SIM2: variants seen among roughly 807,000 people sequenced by gnomAD.
SIM2 encodes SIM bHLH transcription factor 2.
Under a neutral mutation model 64.8 loss-of-function variants are expected in SIM2, and 28 were observed. The observed-to-expected ratio is 0.43, with a 90% CI of 0.32 to 0.59. SIM2 has a LOEUF of 0.59. Among genes scored for constraint, SIM2 ranks in the 20% least tolerant of loss-of-function variants. SIM2 has a pLI of 0.07. For synonymous variants in SIM2, 408 were observed against 391.1 expected (o/e 1.04, Z -0.51); for missense variants, 847 against 871.4 (o/e 0.97, Z 0.35).
chr21:36,709,465 C>G (rs758540637), intron 2 of SIM2: 22 of 684,192 alleles, frequency 3.2e-5, no homozygotes, highest in South Asian at 3.2e-4. Context: ...CGTCTGCCCC[C>G]ACACCCCGCC....
chr21:36,721,320 C>G (rs1170657962), intron 4 of SIM2, among the ~76,000 whole-genome samples: 1 of 152,192 alleles, frequency 6.6e-6, no homozygotes, highest in Non-Finnish European at 1.5e-5. Flanking sequence ...GAACATCGCA[C>G]CTGAATCGAA....
At chr21:36,735,904 C>T (rs190859746) in intron 7 of SIM2, among the ~76,000 whole-genome samples, 1 of 152,308 alleles carries the variant, frequency 6.6e-6, no homozygotes, top group Admixed American at 6.5e-5. Context: ...TGGTGGCTGA[C>T]AGCCCGGCTC....
At chr21:36,708,651 C>T (rs557839629) in intron 1 of SIM2, among the ~76,000 whole-genome samples, 1 of 152,126 alleles carries the variant, frequency 6.6e-6, no homozygotes, top group Admixed American at 6.5e-5. Context: ...GTTTTTTATG[C>T]GGGAGGAGCT....
chr21:36,741,917 C>T, intron 8 of SIM2, 53 bp downstream of exon 8: 1 of 1,468,304 alleles, frequency 6.8e-7, no homozygotes, highest in Non-Finnish European at 9.1e-7. Flanking sequence ...CCCTGTCCCA[C>T]ATCGGATGGC....
Position 36,747,747 on chromosome 21 carries a change from CG to C in SIM2, c.1660del (p.Ala554ArgfsTer152). The C allele has an allele frequency of 8.3e-7, 1 of 1,202,838 alleles. No individual in the cohort carries two copies. The highest frequency in any genetic ancestry group is 1.0e-6 in the Non-Finnish European group (1 of 969,778). The allele number at this position is 1,202,838 out of a possible 1,614,324, so 74.5% of individuals were successfully genotyped here. On this transcript the variant is annotated frameshift_variant, in exon 11 of 11. Transcript: ENST00000290399. LOFTEE classifies it low-confidence loss of function (END_TRUNC). The surrounding 1 kb of genome is among the most constrained non-coding windows in gnomAD (Gnocchi z 4.5). ...PSCGHYREEPALGPAKAARQA... is the reference protein window; with the variant it reads ...PSCGHYREEPXLGPAKAARQA... Reference sequence around the variant, plus strand: ...GCTGCGGCCACTACCGCGAGGAGCCCGCGCTGGGCCCGGCCAAAGCCGCCCG... The same window carrying C: ...GCTGCGGCCACTACCGCGAGGAGCCCCGCTGGGCCCGGCCAAAGCCGCCCG...
chr21:36,709,310 AC>A, intron 2 of SIM2, 60 bp downstream of exon 2: 2 of 1,371,988 alleles, frequency 1.5e-6, no homozygotes, highest in Non-Finnish European at 1.0e-6. Context: ...CCACCCCGCC[AC>A]CCCAGCCTCC....
chr21:36,731,114 C>G lies in SIM2; in HGVS notation c.813C>G (p.Gly271=), dbSNP rs1437307470. Residue 271 remains glycine (G), a synonymous_variant, in exon 7 of 11, where the codon GGC becomes GGG. Transcript: ENST00000290399. The part of the protein sequence containing the change: ...IEKTLYHHVH[G]CDVFHLRYAH... ...AGACCCTATACCATCACGTGCACGG[C>G]TGCGACGTGTTCCACCTCCGCTACG... The G allele has an allele frequency of 6.2e-7, 1 of 1,614,056 alleles. No homozygotes were observed. The highest frequency in any genetic ancestry group is 8.5e-7 in the Non-Finnish European group (1 of 1,180,028).
At chr21:36,740,009 GAGAAA>G (rs1226690301) in intron 7 of SIM2, among the ~76,000 whole-genome samples, 2 of 131,234 alleles carry the variant, frequency 1.5e-5, no homozygotes, top group African/African-American at 6.1e-5. Context: ...GAAAGAAAGA[GAGAAA>G]GAAAGAAAGA....
At chr21:36,713,038 T>G (rs1422816467) in intron 3 of SIM2, among the ~76,000 whole-genome samples, 1 of 152,226 alleles carries the variant, frequency 6.6e-6, no homozygotes, top group Non-Finnish European at 1.5e-5. Flanking sequence ...GAACATGGAT[T>G]TTATGCAGAA....
rs763053811 is a variant in SIM2, at chr21:36,731,065, A to G, written c.764A>G (p.Tyr255Cys). The G allele has an allele frequency of 2.5e-6, 4 of 1,614,062 alleles. No individual in the cohort carries two copies. In the South Asian group the frequency reaches 4.4e-5, roughly 18 times the overall value. Residue 255 changes from tyrosine (Y) to cysteine (C), a missense_variant, in exon 7 of 11, where the codon TAC (tyrosine) becomes TGC (cysteine). Physicochemically the swap from Tyr to Cys is radical, Grantham distance 194. Coordinates refer to ENST00000290399, the MANE Select transcript of SIM2 (RefSeq NM_005069.6). ...LDSRVTEVTG[Y>C]EPQDLIEKTL... ...CACAGGGTGACCGAGGTGACGGGGTACGAGCCGCAGGACCTGATCGAGAAG... is the reference window on the plus strand; with the variant it reads ...CACAGGGTGACCGAGGTGACGGGGTGCGAGCCGCAGGACCTGATCGAGAAG...
chr21:36,704,677 G>A (rs1568923228), intron 1 of SIM2, among the ~76,000 whole-genome samples: 1 of 152,210 alleles, frequency 6.6e-6, no homozygotes, highest in African/African-American at 2.4e-5. Context: ...CTGGGGCGGC[G>A]TCCGAACTCC....
chr21:36,724,164 A>G (rs1388987919), intron 5 of SIM2, among the ~76,000 whole-genome samples: 1 of 152,126 alleles, frequency 6.6e-6, no homozygotes, highest in African/African-American at 2.4e-5. Flanking sequence ...CCTTTGACCT[A>G]TATCTCACTG....
intron 7 of SIM2, among the ~76,000 whole-genome samples, chr21:36,739,834 G>A (rs1012110042): frequency 1.3e-5 from 2 of 152,104 alleles, no homozygotes; most frequent in African/African-American, 4.8e-5. Context: ...GAGGTCAGGA[G>A]TTTGAGACCA....
chr21:36,723,157 G>A (rs781485597), intron 5 of SIM2, 27 bp downstream of exon 5: 15 of 1,592,198 alleles, frequency 9.4e-6, no homozygotes, highest in Non-Finnish European at 1.2e-5. Flanking sequence ...GTGCGGGGAG[G>A]AGCTGGCTAA....
intron 3 of SIM2, among the ~76,000 whole-genome samples, chr21:36,719,471 G>C (rs1430190894): frequency 6.6e-6 from 1 of 152,216 alleles, no homozygotes; most frequent in African/African-American, 2.4e-5. Context: ...GCCTGGGTCT[G>C]TTTCAAGCCC....
At chr21:36,746,204 A>T (rs1272128518) in intron 10 of SIM2, 1 of 193,504 alleles carries the variant, frequency 5.2e-6, no homozygotes, top group Non-Finnish European at 1.1e-5. Context: ...AATCCCAGCT[A>T]CTCTGGAGGC....
rs751808225 is a variant in SIM2 at position 36,726,094 on chromosome 21, C to A, written c.544-25C>A. The A allele has an allele frequency of 1.2e-6, 2 of 1,600,016 alleles. No individual in the cohort carries two copies. Among genetic ancestry groups the A allele is most frequent in the African/African-American group, 2.7e-5 (2 of 74,726 alleles). ...CCAGCCCAACCCCAGTGGCCAGTGG[C>A]TGACCCTGCCCTCTCCACTCCCAGG... On this transcript the variant is annotated intron_variant, in intron 5 of 10. Transcript: ENST00000290399. This position sits in a 1 kb window ranked among gnomAD's most constrained non-coding sequence, Gnocchi z 4.5.
At chr21:36,740,808 C>T (rs1037493567) in intron 7 of SIM2, among the ~76,000 whole-genome samples, 37 of 152,228 alleles carry the variant, frequency 2.4e-4, no homozygotes, top group African/African-American at 8.4e-4. Context: ...GATCTCTGCT[C>T]AGGCAGCTGC....
chr21:36,740,017 A>G (rs1424632247), intron 7 of SIM2, among the ~76,000 whole-genome samples: 3 of 38,288 alleles, frequency 7.8e-5, no homozygotes, highest in Non-Finnish European at 1.3e-4. Flanking sequence ...GAGAGAAAGA[A>G]AGAAAGAAAG....
Sources: allele counts gnomAD v4.1 joint callset (sites outside exome capture counted in the v4.1 genomes callset), GRCh38; gene constraint gnomAD v4.1.1; non-coding constraint Gnocchi (gnomAD v3.1); transcripts MANE v1.5; gene names NCBI Gene and HGNC (gene_info 2026-07-23, HGNC 2026-07-21).